Variants in MACROD2 observed in about 807,000 individuals in gnomAD.
The protein encoded by MACROD2 is ADP-ribose glycohydrolase MACROD2.
MACROD2 carries 36 observed loss-of-function variants against 70.4 expected under a neutral mutation model. That is an observed-to-expected ratio of 0.51 (90% CI 0.39 to 0.68). MACROD2 has a LOEUF of 0.68. Ranked by LOEUF, MACROD2 falls within the 30% of genes least tolerant of loss-of-function variation. The pLI, the probability that MACROD2 is intolerant of heterozygous loss-of-function variation, is 0.00. For missense variants in MACROD2, 496 were observed against 538.4 expected, an observed-to-expected ratio of 0.92 and a Z score of 0.78; for synonymous variants, 172 against 178.8, an observed-to-expected ratio of 0.96 and a Z score of 0.30.
rs540545208 is a variant in MACROD2, at chr20:15,333,573, C to T, written c.541-97832C>T. Among the ~76,000 whole-genome samples the T allele has an allele frequency of 9.2e-5, 14 of 151,656 alleles. 1 individual carries two copies. The highest frequency in any genetic ancestry group is 3.4e-4 in the African/African-American group (14 of 41,038). ...GACATGTAGCCATCGAGTCTGAAGT[C>T]ATCTGGGGTTTGAATCTTGGTTCTG... On this transcript the variant is annotated intron_variant, in intron 6 of 17. Coordinates refer to ENST00000684519, the MANE Select transcript of MACROD2 (RefSeq NM_001351661.2).
intron 5 of MACROD2, among the ~76,000 whole-genome samples, chr20:14,957,775 T>C (rs2074549894): frequency 6.6e-6 from 1 of 152,158 alleles, no homozygotes; most frequent in Non-Finnish European, 1.5e-5. Flanking sequence ...TTTTAAATTG[T>C]TTTGTTTTTG....
At chr20:15,787,832 T>C (rs2051956090) in intron 8 of MACROD2, among the ~76,000 whole-genome samples, 2 of 152,326 alleles carry the variant, frequency 1.3e-5, no homozygotes, top group African/African-American at 4.8e-5. Context: ...TTTAATCTTC[T>C]CTCCTGTGAA....
chr20:14,315,635 C>T (rs933708295), intron 3 of MACROD2, among the ~76,000 whole-genome samples: 4 of 152,108 alleles, frequency 2.6e-5, no homozygotes, highest in Non-Finnish European at 5.9e-5. Context: ...GCACTATGAG[C>T]TAGTAGTTAG....
At chr20:14,190,464 A>G (rs2081375386) in intron 3 of MACROD2, among the ~76,000 whole-genome samples, 2 of 151,502 alleles carry the variant, frequency 1.3e-5, no homozygotes, top group South Asian at 2.1e-4. Context: ...ATGGGATAAC[A>G]TGTGTAATTG....
At chr20:15,017,393 T>C (rs1487967275) in intron 5 of MACROD2, among the ~76,000 whole-genome samples, 1 of 152,226 alleles carries the variant, frequency 6.6e-6, no homozygotes, top group Admixed American at 6.5e-5. Flanking sequence ...GCTCCACCCC[T>C]GTGGCTTTGC....
intron 2 of MACROD2, among the ~76,000 whole-genome samples, chr20:14,079,472 A>T (rs2053960933): frequency 6.6e-6 from 1 of 152,134 alleles, no homozygotes; most frequent in Admixed American, 6.5e-5. Context: ...ATTTAAGGAG[A>T]CTTTTTTTCT....
intron 4 of MACROD2, among the ~76,000 whole-genome samples, chr20:14,542,831 A>G (rs1293554666): frequency 1.3e-5 from 2 of 152,216 alleles, no homozygotes; most frequent in Middle Eastern, 3.2e-3. Context: ...ATAATAGGAT[A>G]TAGGGTAAAA....
At chr20:15,440,723 G>A (rs1311899110) in intron 7 of MACROD2, among the ~76,000 whole-genome samples, 3 of 152,138 alleles carry the variant, frequency 2.0e-5, no homozygotes, top group Non-Finnish European at 4.4e-5. Flanking sequence ...GTTCTCTTAT[G>A]TAATGCATTG....
chr20:15,782,717 C>CAAAAAAAAAGAAAAA (rs2051854490), intron 8 of MACROD2, among the ~76,000 whole-genome samples: 1 of 83,358 alleles, frequency 1.2e-5, no homozygotes, highest in Non-Finnish European at 2.4e-5. Context: ...AGAGAAATGG[C>CAAAAAAAAAGAAAAA]AAAAAAAAAA....
intron 3 of MACROD2, among the ~76,000 whole-genome samples, chr20:14,354,583 C>T (rs1030454793): frequency 1.3e-5 from 2 of 152,038 alleles, no homozygotes; most frequent in Non-Finnish European, 2.9e-5. Flanking sequence ...TGCCCTTTCC[C>T]CCATATATGT....
At chr20:14,396,932 A>AC (rs1368505297) in intron 3 of MACROD2, among the ~76,000 whole-genome samples, 1 of 150,550 alleles carries the variant, frequency 6.6e-6, no homozygotes, top group Non-Finnish European at 1.5e-5. Flanking sequence ...CTCAAAAAAA[A>AC]AAAAAAAATC....
chr20:14,283,039 C>G (rs564785460), intron 3 of MACROD2, among the ~76,000 whole-genome samples: 1 of 152,278 alleles, frequency 6.6e-6, no homozygotes, highest in Admixed American at 6.5e-5. Context: ...TATTTGAGGA[C>G]AGTAGAAATA....
chr20:14,806,005 T>A (rs947912953), intron 5 of MACROD2, among the ~76,000 whole-genome samples: 1 of 151,680 alleles, frequency 6.6e-6, no homozygotes, highest in Non-Finnish European at 1.5e-5. Flanking sequence ...TCGATGAGTT[T>A]ATACAGATAA....
intron 8 of MACROD2, among the ~76,000 whole-genome samples, chr20:15,679,043 C>A (rs936400301): frequency 6.6e-6 from 1 of 152,044 alleles, no homozygotes; most frequent in Non-Finnish European, 1.5e-5. Flanking sequence ...TCGAGACCAG[C>A]CTAGTCAGCA....
chr20:14,032,319 C>G (rs2053255392), intron 2 of MACROD2, among the ~76,000 whole-genome samples: 1 of 151,926 alleles, frequency 6.6e-6, no homozygotes, highest in Non-Finnish European at 1.5e-5. Flanking sequence ...TTGTGAGATT[C>G]CTACAAATGA....
At chr20:15,967,150 G>A (rs1416533663) in intron 12 of MACROD2, among the ~76,000 whole-genome samples, 5 of 152,062 alleles carry the variant, frequency 3.3e-5, no homozygotes, top group Admixed American at 3.3e-4. Context: ...CTTTTTCAAG[G>A]ACTCAAGACT....
chr20:14,069,675 G>T (rs1481426976), intron 2 of MACROD2, among the ~76,000 whole-genome samples: 2 of 145,810 alleles, frequency 1.4e-5, no homozygotes, highest in Non-Finnish European at 3.0e-5. Flanking sequence ...ACAAATATTG[G>T]GATCTAGTAT....
In MACROD2 at chr20:15,960,874, T is replaced by C. The variant is rs145555710; in HGVS notation, c.908-6679T>C. On this transcript the variant is annotated intron_variant, in intron 12 of 17. Coordinates refer to ENST00000684519, the MANE Select transcript of MACROD2 (RefSeq NM_001351661.2). Reference sequence around the variant, plus strand: ...GGCACGTTGGCTACAAGGCTTAGCTTGCATGGGCTGTTTTTGTTCTCACTA... The same window carrying C: ...GGCACGTTGGCTACAAGGCTTAGCTCGCATGGGCTGTTTTTGTTCTCACTA... 7.6e-3 allele frequency among the ~76,000 whole-genome samples: 1,155 copies of C among 152,204 alleles called. 16 individuals carry two copies. Among genetic ancestry groups the C allele is most frequent in the African/African-American group, 0.027 (1,112 of 41,524 alleles).
chr20:15,488,202 C>T (rs1424776820), intron 7 of MACROD2, among the ~76,000 whole-genome samples: 3 of 152,078 alleles, frequency 2.0e-5, no homozygotes, highest in Non-Finnish European at 4.4e-5. Context: ...GTGTCTAGGC[C>T]AGCAGAAACT....
Sources: allele counts gnomAD v4.1 joint callset (sites outside exome capture counted in the v4.1 genomes callset), GRCh38; gene constraint gnomAD v4.1.1; transcripts MANE v1.5; gene names NCBI Gene and HGNC (gene_info 2026-07-23, HGNC 2026-07-21).